Variants in GGNBP2 observed in about 807,000 individuals in gnomAD.
The protein encoded by GGNBP2 is gametogenetin-binding protein 2.
GGNBP2 carries 10 observed loss-of-function variants against 85.9 expected under a neutral mutation model. The observed-to-expected ratio is 0.12, with a 90% CI of 0.07 to 0.20. The LOEUF (loss-of-function observed/expected upper bound fraction) is 0.20. Among genes scored for constraint, GGNBP2 ranks in the 10% least tolerant of loss-of-function variants. The pLI is 1.00. For missense variants in GGNBP2, 595 were observed against 857.8 expected (o/e 0.69, Z 3.83); for synonymous variants, 287 against 285.7 (o/e 1.00, Z -0.05).
chr17:36,585,325 G>C lies in GGNBP2; in HGVS notation c.1241G>C (p.Ser414Thr), dbSNP rs759629298. Residue 414 changes from serine to threonine, a missense_variant, in exon 10 of 14, where the codon AGC becomes ACC. Ser to Thr is a moderately conservative substitution (Grantham distance 58). This residue lies in a region of GGNBP2 where 85 missense variants were observed against 92.6 expected (regional missense o/e 0.92). Transcript: ENST00000613102. Reference sequence around the variant, plus strand: ...GAAACAGACTTCATAGAAAATAGCAGCTGCAAAGCCTGTGGCAGCACTGAA... The same window carrying C: ...GAAACAGACTTCATAGAAAATAGCACCTGCAAAGCCTGTGGCAGCACTGAA... ...EKETDFIENS[S>T]CKACGSTEDG... 1.2e-6 allele frequency: 2 copies of C among 1,611,588 alleles called. No individual in the cohort carries two copies. The highest frequency in any genetic ancestry group is 1.7e-6 in the Non-Finnish European group (2 of 1,179,284).
chr17:36,547,923 C>T (rs2074270161), intron 2 of GGNBP2, among the ~76,000 whole-genome samples: 1 of 152,166 alleles, frequency 6.6e-6, no homozygotes, highest in Non-Finnish European at 1.5e-5. Context: ...AAGTTTCTTT[C>T]AGGATATTCT....
At chr17:36,554,938 G>A in intron 3 of GGNBP2, 38 bp downstream of exon 3, 2 of 1,203,592 alleles carry the variant, frequency 1.7e-6, no homozygotes, top group Non-Finnish European at 2.5e-6. Flanking sequence ...AATGGTGTAT[G>A]TGTATTTTAA....
At chr17:36,545,511 G>A (rs1458180047) in intron 1 of GGNBP2, 108 bp from the exon 2 acceptor site, 2 of 465,024 alleles carry the variant, frequency 4.3e-6, no homozygotes, top group Non-Finnish European at 3.8e-6. Context: ...CGGGTGATGG[G>A]AAACGCAGCC....
At chr17:36,551,755 G>A (rs529778294) in intron 2 of GGNBP2, among the ~76,000 whole-genome samples, 2 of 151,980 alleles carry the variant, frequency 1.3e-5, no homozygotes, top group South Asian at 4.2e-4. Context: ...CTTGAACCTG[G>A]GAGGCAGAGG....
rs118185713 is a variant in GGNBP2, at chr17:36,580,564, T to C, written c.1021-780T>C. Among the ~76,000 whole-genome samples, 98 of 152,094 alleles carry C rather than the reference T, an allele frequency of 6.4e-4. 2 individuals carry two copies. The East Asian group carries it at 0.018, about 28-fold the overall frequency. ...TACCTTCAGAGACTAGATCATCTAA[T>C]CAGGTTAAATAGTTTTTTCATTATG... On this transcript the variant is annotated intron_variant, in intron 8 of 13. Transcript: ENST00000613102.
In GGNBP2 at chr17:36,545,756, G is replaced by A. The variant is rs961078519; in HGVS notation, c.32G>A (p.Gly11Glu). Residue 11 changes from glycine to glutamate, a missense_variant, in exon 2 of 14, where the codon GGG becomes GAG. This residue lies in a region of GGNBP2 where 216 missense variants were observed against 293.4 expected (regional missense o/e 0.74). Coordinates refer to ENST00000613102, the MANE Select transcript of GGNBP2 (RefSeq NM_024835.5). ...CGACTCGTGGCAGTGTGCAGGGACGGGGAGGAGGAGTTCCCCTTCGAGAGG... is the reference window on the plus strand; with the variant it reads ...CGACTCGTGGCAGTGTGCAGGGACGAGGAGGAGGAGTTCCCCTTCGAGAGG... The part of the protein sequence containing the change: MARLVAVCRD[G>E]EEEFPFERRQ... The A allele has an allele frequency of 6.3e-7, 1 of 1,583,560 alleles. No individual in the cohort carries two copies. Among genetic ancestry groups the A allele is most frequent in the Non-Finnish European group, 8.6e-7 (1 of 1,165,498 alleles).
At chr17:36,558,414 C>CAAA (rs755597241) in intron 4 of GGNBP2, among the ~76,000 whole-genome samples, 5 of 18,932 alleles carry the variant, frequency 2.6e-4, no homozygotes, top group African/African-American at 7.8e-4. Flanking sequence ...AGCTCCATCT[C>CAAA]AAAAAAAAAA....
chr17:36,561,169 G>A (rs1411296644), intron 5 of GGNBP2, among the ~76,000 whole-genome samples: 1 of 151,552 alleles, frequency 6.6e-6, no homozygotes, highest in Non-Finnish European at 1.5e-5. Context: ...TATTTCCCAG[G>A]CTGGAGTGCA....
Position 36,567,762 on chromosome 17 carries a change from T to C in GGNBP2, c.627T>C (p.Tyr209=), listed in dbSNP as rs2074482672. 2 of 1,579,628 alleles carry C rather than the reference T, an allele frequency of 1.3e-6. No individual in the cohort carries two copies. The highest frequency in any genetic ancestry group is 2.2e-5 in the East Asian group (1 of 44,690). Residue 209 remains tyrosine, a synonymous_variant, in exon 6 of 14, where the codon TAT becomes TAC. Transcript: ENST00000613102. ...GTCTTTTAGAAACACTAGAAACATA[T>C]CTGCGAAAACACAGGTAAGTCTGAT... ...SSCLLETLET[Y]LRKHRFCTDC...
intron 2 of GGNBP2, among the ~76,000 whole-genome samples, chr17:36,552,405 G>A (rs2074318343): frequency 6.6e-6 from 1 of 152,180 alleles, no homozygotes; most frequent in South Asian, 2.1e-4. Context: ...AATACAATAG[G>A]CAGTATGGTT....
chr17:36,554,803 T>C lies in GGNBP2; in HGVS notation c.94-17T>C. On this transcript the variant is annotated splice_polypyrimidine_tract_variant and intron_variant, in intron 2 of 13. Coordinates refer to ENST00000613102, the MANE Select transcript of GGNBP2 (RefSeq NM_024835.5). The stretch of plus-strand genomic sequence containing the variant: ...GAGGGGTAAAGTAATTGATTTCCGT[T>C]CTGTTTGCATTTTAAGATGGTGATG... 3 of 1,511,160 alleles carry C rather than the reference T, an allele frequency of 2.0e-6. No individual in the cohort carries two copies. The East Asian group carries it at 6.8e-5, about 34-fold the overall frequency. 93.6% of individuals were successfully genotyped at this position (1,511,160 alleles called of 1,614,324 possible).
intron 8 of GGNBP2, among the ~76,000 whole-genome samples, chr17:36,580,342 G>T (rs71377892): frequency 1.3e-5 from 2 of 151,308 alleles, no homozygotes; most frequent in Non-Finnish European, 2.9e-5. Flanking sequence ...CGAGTAGCTG[G>T]GACTGCAGGC....
chr17:36,559,800 C>T (rs2074399434), intron 4 of GGNBP2, among the ~76,000 whole-genome samples: 1 of 152,000 alleles, frequency 6.6e-6, no homozygotes, highest in Admixed American at 6.6e-5. Context: ...TGATCTGATT[C>T]TAGATTGGTT....
chr17:36,567,766 C>G lies in GGNBP2; in HGVS notation c.631C>G (p.Arg211Gly). 1 of 1,557,692 alleles carries G rather than the reference C, an allele frequency of 6.4e-7. No homozygotes were observed. The highest frequency in any genetic ancestry group is 8.9e-7 in the Non-Finnish European group (1 of 1,129,312). Reference protein sequence around the residue: ...CLLETLETYLRKHRFCTDCKN... With the variant: ...CLLETLETYLGKHRFCTDCKN... ...TTTAGAAACACTAGAAACATATCTG[C>G]GAAAACACAGGTAAGTCTGATGGTT... The change falls in exon 6 of 14, where the codon CGA becomes GGA. Residue 211 changes from arginine (R) to glycine (G), a missense_variant. Coordinates refer to ENST00000613102, the MANE Select transcript of GGNBP2 (RefSeq NM_024835.5).
chr17:36,578,510 CAT>C, intron 7 of GGNBP2: 1 of 256,638 alleles, frequency 3.9e-6, no homozygotes, highest in Non-Finnish European at 7.4e-6. Context: ...CATGCATTAT[CAT>C]GTGTAAATTT....
intron 2 of GGNBP2, among the ~76,000 whole-genome samples, chr17:36,550,055 A>G (rs768196078): frequency 2.0e-5 from 3 of 151,878 alleles, no homozygotes; most frequent in Non-Finnish European, 2.9e-5. Flanking sequence ...CTTGGGCCTC[A>G]ACCTCCTGAG....
Position 36,589,514 on chromosome 17 carries a change from T to C in GGNBP2, c.*103T>C. The C allele has an allele frequency of 2.5e-6, 2 of 788,232 alleles. No individual in the cohort carries two copies. The highest frequency in any genetic ancestry group is 4.2e-6 in the Non-Finnish European group (2 of 477,846). 48.8% of individuals were successfully genotyped at this position (788,232 alleles called of 1,614,324 possible). ...TAGTGACTTATGGCAAAATTTTATC[T>C]TAAATCAATGTGATTCTTTCTTGTT... On this transcript the variant is annotated 3_prime_UTR_variant, in exon 14 of 14. Coordinates refer to ENST00000613102, the MANE Select transcript of GGNBP2 (RefSeq NM_024835.5).
chr17:36,569,170 G>C (rs2074497976), intron 6 of GGNBP2, among the ~76,000 whole-genome samples: 1 of 152,120 alleles, frequency 6.6e-6, no homozygotes, highest in Non-Finnish European at 1.5e-5. Flanking sequence ...CCAGCACTTT[G>C]GAAGTCTCAG....
At chr17:36,545,158 T>C (rs1028139495) in intron 1 of GGNBP2, 61 bp downstream of exon 1, 1 of 153,176 alleles carries the variant, frequency 6.5e-6, no homozygotes, top group African/African-American at 2.4e-5. Context: ...GCGGGGTCGA[T>C]CCCTCCCAGG....
Sources: allele counts gnomAD v4.1 joint callset (sites outside exome capture counted in the v4.1 genomes callset), GRCh38; gene constraint gnomAD v4.1.1; regional missense constraint gnomAD v4.1.1; transcripts MANE v1.5; gene names NCBI Gene and HGNC (gene_info 2026-07-23, HGNC 2026-07-21).